The following IQUB variants were observed in gnomAD, a reference collection of about 807,000 sequenced individuals.
The protein encoded by IQUB is IQ motif and ubiquitin domain containing, also known as IQ motif and ubiquitin-like domain-containing protein.
IQUB carries 86 observed loss-of-function variants against 86.4 expected under a neutral mutation model. The observed-to-expected ratio is 1.00, with a 90% CI of 0.84 to 1.19. The LOEUF (loss-of-function observed/expected upper bound fraction) is 1.19. Among genes scored for constraint, IQUB ranks in the 50% most tolerant of loss-of-function variants. The pLI, the probability that IQUB is intolerant of heterozygous loss-of-function variation, is 0.00. For synonymous variants in IQUB, 289 were observed against 304.5 expected, an observed-to-expected ratio of 0.95 and a Z score of 0.53; for missense variants, 946 against 916.9, an observed-to-expected ratio of 1.03 and a Z score of -0.41.
chr7:123,534,546 G>T lies in IQUB; in HGVS notation c.-59C>A, dbSNP rs1162333499. ...AAGTGCTTTCCCAGGCTCCTAAGAC[G>T]CAGCTTCCATACTCGCCGCGTTCTC... On this transcript the variant is annotated 5_prime_UTR_variant, in exon 1 of 13. Transcript: ENST00000324698. 1 of 153,590 alleles carries T rather than the reference G, an allele frequency of 6.5e-6. No homozygotes were observed. Among genetic ancestry groups the T allele is most frequent in the Admixed American group, 6.5e-5 (1 of 15,278 alleles). 9.5% of individuals were successfully genotyped at this position (153,590 alleles called of 1,614,324 possible).
At chr7:123,528,089 C>T (rs1797345858) in intron 1 of IQUB, among the ~76,000 whole-genome samples, 3 of 152,220 alleles carry the variant, frequency 2.0e-5, no homozygotes, top group Admixed American at 2.0e-4. Context: ...CAGGTGCCGT[C>T]TGTCACCACT....
intron 1 of IQUB, among the ~76,000 whole-genome samples, chr7:123,519,011 A>G (rs1399574860): frequency 2.0e-5 from 3 of 150,942 alleles, no homozygotes; most frequent in Non-Finnish European, 4.4e-5. Flanking sequence ...TATAATCACT[A>G]CATTTCTCAA....
chr7:123,477,198 G>T (rs998266398), intron 8 of IQUB, among the ~76,000 whole-genome samples: 2 of 152,104 alleles, frequency 1.3e-5, no homozygotes, highest in Non-Finnish European at 2.9e-5. Flanking sequence ...ATACTACAAG[G>T]CTACAGTAAC....
intron 1 of IQUB, among the ~76,000 whole-genome samples, chr7:123,527,570 G>A (rs528729775): frequency 1.3e-5 from 2 of 152,132 alleles, no homozygotes; most frequent in East Asian, 3.9e-4. Context: ...TGGAGCACCC[G>A]GCCGTGTGAG....
At position 123,459,053 on chromosome 7, in the gene IQUB, A is replaced by G. The variant is rs1349977254; in HGVS notation, c.2008-1487T>C. ...GCCTCAAATACTATTACTGAAATAA[A>G]TATTAATCAAAACTACACCAATTAC... On this transcript the variant is annotated intron_variant, in intron 11 of 12. Transcript: ENST00000324698. Among the ~76,000 whole-genome samples, 3 of 152,142 alleles carry G rather than the reference A, an allele frequency of 2.0e-5. No homozygotes were observed. The East Asian group carries it at 5.8e-4, about 29-fold the overall frequency.
In IQUB at chr7:123,462,818, A is replaced by G. The variant is rs1335100897; in HGVS notation, c.1759-1213T>C. On this transcript the variant is annotated intron_variant, in intron 10 of 12. Transcript: ENST00000324698. ...GCATTTACTATAATGCCATGGAAAG[A>G]TATTCTCCACCCATCTGAAATTGTG... 8.8e-6 allele frequency: 4 copies of G among 455,328 alleles called. No individual in the cohort carries two copies. In the Admixed American group the frequency reaches 9.4e-5, roughly 11 times the overall value. The allele number at this position is 455,328 out of a possible 1,614,324, so 28.2% of individuals were successfully genotyped here. A position where few individuals can be genotyped will look rare whatever the true frequency, so the allele number is the denominator to read the frequency against.
At chr7:123,472,539 C>T (rs958579183) in intron 8 of IQUB, among the ~76,000 whole-genome samples, 3 of 152,048 alleles carry the variant, frequency 2.0e-5, no homozygotes, top group South Asian at 4.1e-4. Context: ...TGCTATGAAG[C>T]ACTTAACTGG....
chr7:123,513,972 T>C (rs1796539104), intron 1 of IQUB, among the ~76,000 whole-genome samples: 1 of 152,206 alleles, frequency 6.6e-6, no homozygotes, highest in South Asian at 2.1e-4. Flanking sequence ...TAAAAGGTTA[T>C]AGCTGAGAAC....
chr7:123,458,820 A>G (rs1419901851), intron 11 of IQUB, among the ~76,000 whole-genome samples: 4 of 151,962 alleles, frequency 2.6e-5, no homozygotes, highest in Non-Finnish European at 5.9e-5. Context: ...TGCCTATTAT[A>G]TTAGGCAGTA....
chr7:123,501,780 G>C (rs901255654), intron 6 of IQUB: 1 of 152,098 alleles, frequency 6.6e-6, no homozygotes, highest in Non-Finnish European at 1.5e-5. Context: ...GTTTTGCATT[G>C]AGACAATCAG....
chr7:123,525,493 G>C (rs930623593), intron 1 of IQUB, among the ~76,000 whole-genome samples: 62 of 152,206 alleles, frequency 4.1e-4, no homozygotes, highest in African/African-American at 1.4e-3. Context: ...TTGCGTAGAG[G>C]TGTTTGTAGT....
intron 11 of IQUB, chr7:123,459,616 T>G (rs2116957046): frequency 6.6e-6 from 1 of 152,064 alleles, no homozygotes; most frequent in African/African-American, 2.4e-5. Context: ...GTGAGCAAAT[T>G]CCTTGTAACA....
chr7:123,524,698 C>T (rs1171882611), intron 1 of IQUB, among the ~76,000 whole-genome samples: 9 of 150,686 alleles, frequency 6.0e-5, no homozygotes, highest in African/African-American at 2.0e-4. Flanking sequence ...TTATTTCCTT[C>T]TCCTGCCTAA....
At chr7:123,509,764 T>C (rs1227329372) in intron 3 of IQUB, 137 bp downstream of exon 3, 5 of 711,660 alleles carry the variant, frequency 7.0e-6, no homozygotes, top group Admixed American at 2.6e-5. Flanking sequence ...TAAATATGTA[T>C]TGAATGAGTG....
chr7:123,523,884 C>T (rs995904115), intron 1 of IQUB, among the ~76,000 whole-genome samples: 4 of 151,976 alleles, frequency 2.6e-5, no homozygotes, highest in Non-Finnish European at 5.9e-5. Flanking sequence ...TTTTGTATAA[C>T]GTGTAAGGAA....
At chr7:123,487,935 T>C (rs1354176577) in intron 7 of IQUB, among the ~76,000 whole-genome samples, 1 of 152,164 alleles carries the variant, frequency 6.6e-6, no homozygotes, top group Non-Finnish European at 1.5e-5. Context: ...TAGTTTGAAA[T>C]AAGTTAAAAC....
chr7:123,524,513 G>T (rs1205023874), intron 1 of IQUB, among the ~76,000 whole-genome samples: 1 of 148,454 alleles, frequency 6.7e-6, no homozygotes, highest in Non-Finnish European at 1.5e-5. Flanking sequence ...TCTGTTGTTG[G>T]TGTATAAGAA....
At chr7:123,453,459 T>C (rs1313676997) in intron 12 of IQUB, among the ~76,000 whole-genome samples, 1 of 150,140 alleles carries the variant, frequency 6.7e-6, no homozygotes, top group Non-Finnish European at 1.5e-5. Context: ...ATATATATAA[T>C]TGAATAAAGC....
At chr7:123,527,565 C>T (rs1488450509) in intron 1 of IQUB, among the ~76,000 whole-genome samples, 5 of 151,978 alleles carry the variant, frequency 3.3e-5, no homozygotes, top group African/African-American at 4.8e-5. Context: ...TCTGTTGGAG[C>T]ACCCGGCCGT....
Sources: allele counts gnomAD v4.1 joint callset (sites outside exome capture counted in the v4.1 genomes callset), GRCh38; gene constraint gnomAD v4.1.1; transcripts MANE v1.5; gene names NCBI Gene and HGNC (gene_info 2026-07-23, HGNC 2026-07-21).